PLEKHG5: variants seen among roughly 807,000 people sequenced by gnomAD.
The protein encoded by PLEKHG5 is pleckstrin homology domain-containing family G member 5.
In PLEKHG5, 52 loss-of-function variants were observed where a neutral mutation model predicts 103.8. That is an observed-to-expected ratio of 0.50 (90% CI 0.40 to 0.63). The LOEUF (loss-of-function observed/expected upper bound fraction) is 0.63, where lower values mean the gene tolerates loss of function less well. PLEKHG5 is among the 30% of genes least tolerant of loss of function. The probability of loss-of-function intolerance (pLI) is 0.00; values close to 1 mark genes in which losing one functional copy is unlikely to be tolerated. For missense variants in PLEKHG5, 1,205 were observed against 1,347.6 expected (o/e 0.89, Z 1.66); for synonymous variants, 592 against 575.5 (o/e 1.03, Z -0.41).
upstream of PLEKHG5, chr1:6,496,419 G>T: frequency 8.6e-7 from 1 of 1,169,152 alleles, no homozygotes; most frequent in Non-Finnish European, 1.3e-6. Flanking sequence ...GATAGCTGGT[G>T]CTGGGATAGA....
In PLEKHG5 at chr1:6,517,539, G is replaced by A. The variant is rs553823720; in HGVS notation, c.-165+1906C>T. Reference sequence around the variant, plus strand: ...GGGGCTCACATGTCAACATGCTGTCGCTGTCACTGTGGCTCACATAACTCT... The same window carrying A: ...GGGGCTCACATGTCAACATGCTGTCACTGTCACTGTGGCTCACATAACTCT... On this transcript the variant is annotated intron_variant, in intron 1 of 21. Coordinates refer to the PLEKHG5 transcript ENST00000377740. Among the ~76,000 whole-genome samples, 2 of 152,244 alleles carry A rather than the reference G, an allele frequency of 1.3e-5. 1 individual carries two copies. Among genetic ancestry groups the A allele is most frequent in the South Asian group, 4.1e-4 (2 of 4,824 alleles).
At position 6,473,004 on chromosome 1, in the gene PLEKHG5, C is replaced by T. The variant is rs1249094564; in HGVS notation, c.966G>A (p.Glu322=). ...ACLRLEDSWR[E]LIDGHEKLTR... ...CACTCACCTCATGCCCATCAATGAGCTCCCGCCAGCTGTCCTCCAGCCTCA... is the reference window on the plus strand; with the variant it reads ...CACTCACCTCATGCCCATCAATGAGTTCCCGCCAGCTGTCCTCCAGCCTCA... Residue 322 remains glutamate, a synonymous_variant, in exon 9 of 21, where the codon GAG becomes GAA. Coordinates refer to ENST00000377728, the MANE Select transcript of PLEKHG5 (RefSeq NM_020631.6). The T allele has an allele frequency of 2.5e-6, 4 of 1,613,942 alleles. No individual in the cohort carries two copies. Among genetic ancestry groups the T allele is most frequent in the Non-Finnish European group, 3.4e-6 (4 of 1,180,004 alleles).
chr1:6,503,955 C>CAGGG (rs146632017), intron 1 of PLEKHG5, among the ~76,000 whole-genome samples: 4,277 of 152,290 alleles, frequency 0.028, 187 homozygotes, highest in African/African-American at 0.098. Flanking sequence ...TAAGAGAGCC[C>CAGGG]AGGGAGGGCC....
chr1:6,516,978 T>C (rs371348712), intron 1 of PLEKHG5, among the ~76,000 whole-genome samples: 1 of 149,904 alleles, frequency 6.7e-6, no homozygotes, highest in East Asian at 2.0e-4. Context: ...CTGGGCAAGG[T>C]GGCTCACACC....
At chr1:6,516,308 A>G (rs190062978) in intron 1 of PLEKHG5, among the ~76,000 whole-genome samples, 56 of 152,326 alleles carry the variant, frequency 3.7e-4, no homozygotes, top group African/African-American at 1.2e-3. Context: ...AAAGTTTGCT[A>G]TTAGAGGCCT....
intron 1 of PLEKHG5, chr1:6,485,369 C>T: frequency 1.4e-6 from 2 of 1,419,836 alleles, no homozygotes; most frequent in Non-Finnish European, 1.8e-6. Flanking sequence ...AGGAGGGCTC[C>T]GAGTCCCGGA....
chr1:6,495,203 C>T (rs1645205089), upstream of PLEKHG5, among the ~76,000 whole-genome samples: 4 of 152,272 alleles, frequency 2.6e-5, no homozygotes, highest in South Asian at 8.3e-4. Flanking sequence ...GAGCCCCCAT[C>T]TGGGAAAGAG....
At chr1:6,470,968 C>A (rs1481827238) in intron 13 of PLEKHG5, 22 bp downstream of exon 13, 15 of 1,576,792 alleles carry the variant, frequency 9.5e-6, no homozygotes, top group Non-Finnish European at 8.6e-7. Context: ...TGCGCCCCCG[C>A]CCACGGCACG....
intron 1 of PLEKHG5, among the ~76,000 whole-genome samples, chr1:6,506,885 C>T (rs1379711402): frequency 2.0e-5 from 3 of 152,196 alleles, no homozygotes; most frequent in African/African-American, 4.8e-5. Flanking sequence ...CAGATCATGT[C>T]GCCTACACCA....
At chr1:6,480,014 C>T in intron 1 of PLEKHG5, among the ~76,000 whole-genome samples, 1 of 152,142 alleles carries the variant, frequency 6.6e-6, no homozygotes, top group Admixed American at 6.5e-5. Context: ...AGCGTTCAGG[C>T]GGGGACACCA....
At position 6,470,868 on chromosome 1, in the gene PLEKHG5, G is replaced by A. The variant is rs1319125582; in HGVS notation, c.1409C>T (p.Pro470Leu). The A allele has an allele frequency of 6.4e-7, 1 of 1,570,322 alleles. No individual in the cohort carries two copies. The highest frequency in any genetic ancestry group is 8.6e-7 in the Non-Finnish European group (1 of 1,157,942). Residue 470 changes from proline to leucine, a missense_variant, in exon 14 of 21, where the codon CCA (proline) becomes CTA (leucine). Pro to Leu is a moderately conservative substitution (Grantham distance 98, BLOSUM62 -3). Coordinates refer to ENST00000377728, the MANE Select transcript of PLEKHG5 (RefSeq NM_020631.6). The part of the protein sequence containing the change: ...RAYITWAEKH[P>L]QCQRLKLSDM... The stretch of plus-strand genomic sequence containing the variant: ...GCTCAGCTTCAGCCTCTGGCACTGT[G>A]GGTGCTTCTCCGCCCACTGCGGTGG...
At chr1:6,480,291 G>A (rs1644865859) in intron 1 of PLEKHG5, among the ~76,000 whole-genome samples, 1 of 151,976 alleles carries the variant, frequency 6.6e-6, no homozygotes, top group African/African-American at 2.4e-5. Flanking sequence ...CACTTTGGGA[G>A]GCCGAGGCGG....
upstream of PLEKHG5, chr1:6,497,280 G>T: frequency 1.1e-6 from 1 of 933,256 alleles, no homozygotes; most frequent in Non-Finnish European, 1.6e-6. This position sits in a 1 kb window ranked among gnomAD's most constrained non-coding sequence, Gnocchi z 6.1. Context: ...GGCCCCCCAG[G>T]ACCCCGCCCC....
At chr1:6,472,766 ATGAG>A in intron 9 of PLEKHG5, 144 bp from the exon 10 acceptor site, 1 of 752,752 alleles carries the variant, frequency 1.3e-6, no homozygotes, top group South Asian at 1.5e-5. Flanking sequence ...TTGACACCAC[ATGAG>A]TAATCACAGT....
In PLEKHG5 at chr1:6,468,311, C is replaced by G. The variant is rs149682441; in HGVS notation, c.2525G>C (p.Arg842Pro). Residue 842 changes from arginine to proline, a missense_variant, in exon 20 of 21, where the codon CGG becomes CCG. Arg to Pro is a moderately radical substitution (Grantham distance 103). Transcript: ENST00000377728. ...APGPMAELVP[R>P]APESPRVPSP... ...AGGAACTCGTGGGGACTCTGGGGCC[C>G]GAGGCACTAGCTCTGCCATTGGGCC... The G allele has an allele frequency of 6.2e-7, 1 of 1,609,300 alleles. No homozygotes were observed. Among genetic ancestry groups the G allele is most frequent in the Non-Finnish European group, 8.5e-7 (1 of 1,178,412 alleles).
intron 1 of PLEKHG5, among the ~76,000 whole-genome samples, chr1:6,503,494 G>C (rs1645318243): frequency 6.8e-6 from 1 of 147,526 alleles, no homozygotes; most frequent in Admixed American, 6.9e-5. Context: ...CTGAACCTCT[G>C]CCTCCCGGGT....
Position 6,467,939 on chromosome 1 carries a change from G to A in PLEKHG5, c.2897C>T (p.Pro966Leu), listed in dbSNP as rs745754006. 1.3e-6 allele frequency: 2 copies of A among 1,583,844 alleles called. No individual in the cohort carries two copies. The highest frequency in any genetic ancestry group is 1.7e-6 in the Non-Finnish European group (2 of 1,166,434). The change falls in exon 20 of 21, where the codon CCC (proline) becomes CTC (leucine). Residue 966 changes from proline to leucine, a missense_variant. Pro to Leu is a moderately conservative substitution (Grantham distance 98). Coordinates refer to ENST00000377728, the MANE Select transcript of PLEKHG5 (RefSeq NM_020631.6). ...TGGTGGGGGCTCAGGCTGGACCCTG[G>A]GAGAGGCCCCCGAGGGCAGGTCTCC... ...RCGDLPSGAS[P>L]RVQPEPPPGV...
chr1:6,477,740 G>A, intron 1 of PLEKHG5, 82 bp from the exon 2 acceptor site: 1 of 1,430,338 alleles, frequency 7.0e-7, no homozygotes. Context: ...CAGGGACTTA[G>A]AATGAACTGC....
chr1:6,488,665 G>A (rs1310460836), intron 1 of PLEKHG5, among the ~76,000 whole-genome samples: 1 of 152,176 alleles, frequency 6.6e-6, no homozygotes, highest in Non-Finnish European at 1.5e-5. Context: ...TACCAGGGCA[G>A]TGGGGTGGGC....
Sources: allele counts gnomAD v4.1 joint callset (sites outside exome capture counted in the v4.1 genomes callset), GRCh38; gene constraint gnomAD v4.1.1; non-coding constraint Gnocchi (gnomAD v3.1); transcripts MANE v1.5; gene names NCBI Gene and HGNC (gene_info 2026-07-23, HGNC 2026-07-21).